The following ESR1 variants were observed in gnomAD, a reference collection of about 807,000 sequenced individuals.
ESR1 encodes the protein estrogen receptor.
Under a neutral mutation model 52.7 loss-of-function variants are expected in ESR1, and 12 were observed. The observed-to-expected ratio is 0.23, with a 90% CI of 0.15 to 0.37. The LOEUF (loss-of-function observed/expected upper bound fraction) is 0.37. ESR1 is among the 10% of genes least tolerant of loss of function. The probability of loss-of-function intolerance (pLI) is 1.00; values close to 1 mark genes in which losing one functional copy is unlikely to be tolerated. For synonymous variants in ESR1, 305 were observed against 316.8 expected, an observed-to-expected ratio of 0.96 and a Z score of 0.39; for missense variants, 584 against 779.7, an observed-to-expected ratio of 0.75 and a Z score of 2.99.
chr6:151,777,214 T>G (rs1326072792), intron 2 of ESR1, among the ~76,000 whole-genome samples: 2 of 151,104 alleles, frequency 1.3e-5, no homozygotes, highest in Non-Finnish European at 2.9e-5. Flanking sequence ...GCCTCCCTGG[T>G]TCAAGCGATT....
intron 3 of ESR1, among the ~76,000 whole-genome samples, chr6:151,905,236 G>C (rs145682491): frequency 6.6e-6 from 1 of 152,178 alleles, no homozygotes; most frequent in Non-Finnish European, 1.5e-5. Flanking sequence ...AAGGAGGTGC[G>C]AGTGACCTGA....
At chr6:151,696,528 C>T (rs1355824866) in intron 1 of ESR1, among the ~76,000 whole-genome samples, 5 of 150,800 alleles carry the variant, frequency 3.3e-5, no homozygotes, top group Non-Finnish European at 2.9e-5. Flanking sequence ...ATAAGTAGTG[C>T]CTCGGGTGCA....
chr6:151,850,080 T>TTATATATATATAAAATTA lies in ESR1; in HGVS notation c.643+7306_643+7307insAATTATATATATATATAA, dbSNP rs1786241232. 6.2e-5 allele frequency among the ~76,000 whole-genome samples: 3 copies of TTATATATATATAAAATTA among 48,432 alleles called. No individual in the cohort carries two copies. The East Asian group carries it at 2.4e-3, about 38-fold the overall frequency. 31.8% of individuals were successfully genotyped at this position (48,432 alleles called of 152,430 possible). A position where few individuals can be genotyped will look rare whatever the true frequency, so the allele number is the denominator to read the frequency against. On this transcript the variant is annotated intron_variant, in intron 2 of 7. Transcript: ENST00000206249. ...TATAATTTTATATATATATAAAAAATTATATATATATAATTTTATATATAT... is the reference window on the plus strand; with the variant it reads ...TATAATTTTATATATATATAAAAAATTATATATATATAAAATTATATATATATATAATTTTATATATAT...
intron 4 of ESR1, among the ~76,000 whole-genome samples, chr6:151,999,704 A>G (rs976661217): frequency 6.6e-6 from 1 of 152,140 alleles, no homozygotes; most frequent in Admixed American, 6.6e-5. Flanking sequence ...GTAATGAGAC[A>G]GTCTTCCAGC....
At chr6:151,977,963 G>GA (rs5880951) in intron 4 of ESR1, among the ~76,000 whole-genome samples, 4,862 of 118,266 alleles carry the variant, frequency 0.041, 207 homozygotes, top group African/African-American at 0.14. Context: ...AAAAAAAAAA[G>GA]AAAAAAAAAA....
chr6:151,741,982 G>GACTTATGT, intron 2 of ESR1, among the ~76,000 whole-genome samples: 1 of 151,874 alleles, frequency 6.6e-6, no homozygotes, highest in Admixed American at 6.6e-5. Flanking sequence ...TTCTATTTCC[G>GACTTATGT]TATATTTGAC....
intron 2 of ESR1, among the ~76,000 whole-genome samples, chr6:151,738,405 G>A (rs896361513): frequency 6.6e-6 from 1 of 152,104 alleles, no homozygotes; most frequent in Non-Finnish European, 1.5e-5. Flanking sequence ...GGATCATATG[G>A]TAGTTCTATT....
intron 1 of ESR1, among the ~76,000 whole-genome samples, chr6:151,808,586 C>A (rs1778271080): frequency 6.6e-6 from 1 of 152,144 alleles, no homozygotes. Flanking sequence ...CTGAAAAAAA[C>A]GTACTCTCCA....
intron 5 of ESR1, among the ~76,000 whole-genome samples, chr6:152,022,496 C>T (rs918772992): frequency 8.6e-4 from 131 of 151,994 alleles, no homozygotes; most frequent in Non-Finnish European, 7.4e-5. Context: ...AAGTGTGGAA[C>T]GAATGTGATG....
intron 1 of ESR1, among the ~76,000 whole-genome samples, chr6:151,672,861 C>CTCTGTCACCCAGGCTGGAG (rs1778119238): frequency 7.0e-6 from 1 of 143,352 alleles, no homozygotes; most frequent in Non-Finnish European, 1.5e-5. Context: ...TGGAGTCTCA[C>CTCTGTCACCCAGGCTGGAG]TCTGTCACCC....
At chr6:151,778,690 G>A (rs1015501704) in intron 2 of ESR1, among the ~76,000 whole-genome samples, 1 of 152,074 alleles carries the variant, frequency 6.6e-6, no homozygotes, top group East Asian at 1.9e-4. Flanking sequence ...ACAGGTGTGA[G>A]CCACCATACC....
chr6:152,108,877 C>T (rs2051098624), intron 6 of ESR1, among the ~76,000 whole-genome samples: 1 of 152,138 alleles, frequency 6.6e-6, no homozygotes, highest in Non-Finnish European at 1.5e-5. Context: ...CACGCTGCTA[C>T]AAAGAAATAC....
intron 4 of ESR1, among the ~76,000 whole-genome samples, chr6:152,002,371 G>A (rs1039685977): frequency 5.3e-5 from 8 of 151,944 alleles, no homozygotes; most frequent in Non-Finnish European, 7.4e-5. Context: ...CGTAGTTTTT[G>A]TTTTGAAGAC....
At chr6:151,842,404 A>T (rs1252714259) in intron 1 of ESR1, among the ~76,000 whole-genome samples, 193 bp from the exon 2 acceptor site, 1 of 152,218 alleles carries the variant, frequency 6.6e-6, no homozygotes, top group Non-Finnish European at 1.5e-5. Flanking sequence ...TTTGCAATAA[A>T]CAATTTCCCC....
intron 3 of ESR1, among the ~76,000 whole-genome samples, chr6:151,892,230 T>C (rs1158211868): frequency 6.6e-6 from 1 of 152,204 alleles, no homozygotes; most frequent in African/African-American, 2.4e-5. Context: ...ATTTTATGTT[T>C]TATGATCTAA....
At chr6:151,819,375 T>C (rs1465135824) in intron 1 of ESR1, among the ~76,000 whole-genome samples, 1 of 152,164 alleles carries the variant, frequency 6.6e-6, no homozygotes, top group Non-Finnish European at 1.5e-5. Flanking sequence ...TGGGGCCTGT[T>C]AGGAACTGGG....
At chr6:152,105,704 G>T (rs2051056841), downstream of ESR1, among the ~76,000 whole-genome samples, 1 of 151,370 alleles carries the variant, frequency 6.6e-6, no homozygotes, top group Non-Finnish European at 1.5e-5. Flanking sequence ...CAGATTACAG[G>T]TGTGAGCCAC....
chr6:151,698,182 A>G (rs1308520806), intron 1 of ESR1, among the ~76,000 whole-genome samples: 1 of 151,604 alleles, frequency 6.6e-6, no homozygotes, highest in Admixed American at 6.6e-5. Context: ...TCTGGGCAAC[A>G]TGGCGAAACC....
upstream of ESR1, among the ~76,000 whole-genome samples, chr6:151,687,396 C>T (rs943710857): frequency 6.6e-6 from 1 of 152,046 alleles, no homozygotes; most frequent in African/African-American, 2.4e-5. Context: ...AGCCAGAAGC[C>T]CAGAGCTGTT....
Sources: gnomAD v4.1 joint callset for allele counts (sites outside exome capture counted in the v4.1 genomes callset) on GRCh38, gnomAD v4.1.1 for gene constraint, MANE v1.5 for transcripts, NCBI Gene and HGNC (gene_info 2026-07-23, HGNC 2026-07-21) for gene names.